TUSC3: variants seen among roughly 807,000 people sequenced by gnomAD.
The protein encoded by TUSC3 is dolichyl-diphosphooligosaccharide--protein glycosyltransferase subunit TUSC3.
In TUSC3, 45 loss-of-function variants were observed where a neutral mutation model predicts 44.8. The observed-to-expected ratio is 1.00, with a 90% confidence interval of 0.79 to 1.29. TUSC3 has a LOEUF of 1.29. Among genes scored for constraint, TUSC3 ranks in the 50% most tolerant of loss-of-function variants. The pLI, the probability that TUSC3 is intolerant of heterozygous loss-of-function variation, is 0.00. For missense variants in TUSC3, 519 were observed against 437.9 expected (o/e 1.19, Z -1.65); for synonymous variants, 212 against 152.9 (o/e 1.39, Z -2.85).
At position 15,643,410 on chromosome 8, in the gene TUSC3, GTTT is replaced by G. The variant is rs10662497; in HGVS notation, c.309-7276_309-7274del. Among the ~76,000 whole-genome samples the G allele has an allele frequency of 1.2e-3, 176 of 144,768 alleles. 1 individual carries two copies. The highest frequency in any genetic ancestry group is 4.2e-3 in the African/African-American group (166 of 39,220). 95.0% of individuals were successfully genotyped at this position (144,768 alleles called of 152,430 possible). A position where few individuals can be genotyped will look rare whatever the true frequency, so the allele number is the denominator to read the frequency against. On this transcript the variant is annotated intron_variant, in intron 2 of 10. Transcript: ENST00000503731. ...AAGCATTAATATGTTACTGTTAGTTGTTTTTTTTTTTTTAAGGAGAACCAAAAT... is the reference window on the plus strand; with the variant it reads ...AAGCATTAATATGTTACTGTTAGTTGTTTTTTTTTTAAGGAGAACCAAAAT...
intron 1 of TUSC3, among the ~76,000 whole-genome samples, chr8:15,479,948 CAA>C (rs759547660): frequency 1.2e-4 from 18 of 152,106 alleles, no homozygotes; most frequent in Admixed American, 7.2e-4. Flanking sequence ...GCAACTTCAG[CAA>C]AGTCTCAGGA....
chr8:15,517,117 T>G (rs1801227296), intron 2 of TUSC3, among the ~76,000 whole-genome samples: 1 of 152,170 alleles, frequency 6.6e-6, no homozygotes, highest in Non-Finnish European at 1.5e-5. Context: ...TTGCCAAGTT[T>G]CTGAACAAAG....
intron 2 of TUSC3, among the ~76,000 whole-genome samples, chr8:15,533,637 G>A (rs1240900810): frequency 2.0e-5 from 3 of 152,200 alleles, no homozygotes; most frequent in African/African-American, 7.2e-5. Context: ...ATAAAAAGCA[G>A]TTCAACAGTA....
At chr8:15,751,110 G>C (rs761265113) in intron 9 of TUSC3, among the ~76,000 whole-genome samples, 3 of 152,206 alleles carry the variant, frequency 2.0e-5, no homozygotes, top group East Asian at 1.9e-4. Context: ...GTGGGTTTAC[G>C]AGATTGACTT....
intron 2 of TUSC3, among the ~76,000 whole-genome samples, chr8:15,639,611 A>G (rs1325784221): frequency 6.6e-6 from 1 of 152,236 alleles, no homozygotes; most frequent in Non-Finnish European, 1.5e-5. Context: ...AGCTGCAACT[A>G]TTATATAAAG....
chr8:15,735,818 G>C (rs62503673), intron 7 of TUSC3, among the ~76,000 whole-genome samples: 23,422 of 151,946 alleles, frequency 0.15, 2,332 homozygotes, highest in Non-Finnish European at 0.22. Context: ...TCCTGCCTCA[G>C]CCTCCCAAGT....
At chr8:15,609,676 G>A (rs1804679287) in intron 1 of TUSC3, among the ~76,000 whole-genome samples, 1 of 151,762 alleles carries the variant, frequency 6.6e-6, no homozygotes, top group Admixed American at 6.6e-5. Flanking sequence ...CCATTATAAT[G>A]ATACTGTCTC....
At chr8:15,481,610 T>A (rs780176215) in intron 1 of TUSC3, among the ~76,000 whole-genome samples, 6 of 152,160 alleles carry the variant, frequency 3.9e-5, no homozygotes, top group Admixed American at 6.6e-5. Context: ...GTAAAGCAGG[T>A]CACATGAAGC....
At chr8:15,549,145 C>G (rs1195935352) in intron 1 of TUSC3, among the ~76,000 whole-genome samples, 1 of 151,638 alleles carries the variant, frequency 6.6e-6, no homozygotes, top group Non-Finnish European at 1.5e-5. Context: ...AATGTGTTTT[C>G]TATATGAATG....
rs1438384216 is a variant in TUSC3, at chr8:15,765,095, G to A, written c.*939G>A. ...TTGAAAACAAACATAGGAGTGTAAT[G>A]TACTATTATGTTTGTATCCTGTTTT... On this transcript the variant is annotated 3_prime_UTR_variant, in exon 11 of 11. Coordinates refer to ENST00000503731, the MANE Select transcript of TUSC3 (RefSeq NM_006765.4). The A allele has an allele frequency of 6.6e-6, 1 of 151,964 alleles. No individual in the cohort carries two copies. Among genetic ancestry groups the A allele is most frequent in the African/African-American group, 2.4e-5 (1 of 41,404 alleles). The allele number at this position is 151,964 out of a possible 1,614,324, so 9.4% of individuals were successfully genotyped here.
intron 2 of TUSC3, among the ~76,000 whole-genome samples, chr8:15,488,177 C>T (rs1022989970): frequency 6.6e-5 from 10 of 152,002 alleles, no homozygotes; most frequent in Non-Finnish European, 1.3e-4. Flanking sequence ...AATTCTTCTT[C>T]ACTATCCACT....
At chr8:15,490,170 CA>C (rs1329982183) in intron 2 of TUSC3, among the ~76,000 whole-genome samples, 5 of 152,104 alleles carry the variant, frequency 3.3e-5, no homozygotes, top group African/African-American at 4.8e-5. Flanking sequence ...GAACAACAAA[CA>C]AGTGATGGTG....
At chr8:15,452,863 A>T (rs1205048301) in intron 1 of TUSC3, among the ~76,000 whole-genome samples, 1 of 152,150 alleles carries the variant, frequency 6.6e-6, no homozygotes, top group Admixed American at 6.5e-5. Flanking sequence ...TGGTCTGCCC[A>T]TTGCCTTCTT....
chr8:15,459,005 G>A (rs1472204772), intron 1 of TUSC3, among the ~76,000 whole-genome samples: 3 of 152,150 alleles, frequency 2.0e-5, no homozygotes, highest in Admixed American at 6.5e-5. Flanking sequence ...TTTTATTAAA[G>A]ACCTGTTGAG....
chr8:15,456,098 A>G (rs1307074377), intron 1 of TUSC3, among the ~76,000 whole-genome samples: 5 of 152,100 alleles, frequency 3.3e-5, no homozygotes, highest in East Asian at 1.9e-4. Context: ...CCCCCAACCA[A>G]TCAGCAGCAA....
chr8:15,568,751 G>A (rs773418203), intron 1 of TUSC3, among the ~76,000 whole-genome samples: 2 of 151,498 alleles, frequency 1.3e-5, no homozygotes, highest in Non-Finnish European at 2.9e-5. Flanking sequence ...TAAGGTGCCT[G>A]CCACCACACA....
At chr8:15,711,142 C>G (rs1002585818) in intron 6 of TUSC3, among the ~76,000 whole-genome samples, 1 of 151,512 alleles carries the variant, frequency 6.6e-6, no homozygotes. Flanking sequence ...CTTGTCCTCT[C>G]CTCTCACTAC....
intron 1 of TUSC3, among the ~76,000 whole-genome samples, chr8:15,445,274 G>C (rs1563252549): frequency 6.6e-6 from 1 of 151,662 alleles, no homozygotes; most frequent in Admixed American, 6.6e-5. Flanking sequence ...TGGGTCTCCA[G>C]GAAAAAGTAA....
At chr8:15,779,336 G>C in the TUSC3 span, among the ~76,000 whole-genome samples, 1 of 151,988 alleles carries the variant, frequency 6.6e-6, no homozygotes, top group Non-Finnish European at 1.5e-5. Flanking sequence ...CCATAGTGCT[G>C]ATATTACAAG....
Sources: gnomAD v4.1 joint callset for allele counts (sites outside exome capture counted in the v4.1 genomes callset) on GRCh38, gnomAD v4.1.1 for gene constraint, MANE v1.5 for transcripts, NCBI Gene and HGNC (gene_info 2026-07-23, HGNC 2026-07-21) for gene names.